NUDT8: variants seen among roughly 807,000 people sequenced by gnomAD.
NUDT8 encodes the protein mitochondrial coenzyme A diphosphatase NUDT8.
In NUDT8, 14 loss-of-function variants were observed where a neutral mutation model predicts 12.5. That is an observed-to-expected ratio of 1.12 (90% CI 0.74 to 1.75). The LOEUF (loss-of-function observed/expected upper bound fraction) is 1.75, where lower values mean the gene tolerates loss of function less well. NUDT8 is among the 40% of genes most tolerant of loss of function. The pLI, the probability that NUDT8 is intolerant of heterozygous loss-of-function variation, is 0.00. For missense variants in NUDT8, 337 were observed against 318.5 expected (o/e 1.06, Z -0.44); for synonymous variants, 163 against 156.2 (o/e 1.04, Z -0.33).
Position 67,628,031 on chromosome 11 carries a change from C to A in NUDT8, c.626G>T (p.Gly209Val), listed in dbSNP as rs1855141396. Residue 209 changes from glycine (G) to valine (V), a missense_variant, in exon 4 of 4, where the codon GGG (glycine) becomes GTG (valine). Coordinates refer to ENST00000376693, the MANE Select transcript of NUDT8 (RefSeq NM_001243750.2). Reference sequence around the variant, plus strand: ...CTTAGGGCGGGCCAGACCCTCAGCCCCTGAGCAGGTCAGGCCGGCCAGGCG... The same window carrying A: ...CTTAGGGCGGGCCAGACCCTCAGCCACTGAGCAGGTCAGGCCGGCCAGGCG... ...QPRLAGLTCS[G>V]AEGLARPKQP... is the part of the protein sequence containing the mutation. The A allele has an allele frequency of 6.3e-7, 1 of 1,598,220 alleles. No homozygotes were observed. The highest frequency in any genetic ancestry group is 1.1e-5 in the South Asian group (1 of 91,082).
chr11:67,629,640 G>A (rs1855175018), intron 1 of NUDT8, 78 bp downstream of exon 1: 2 of 794,814 alleles, frequency 2.5e-6, no homozygotes, highest in Admixed American at 3.9e-5. Flanking sequence ...AAGGGGCTAA[G>A]TGCCCTGCCA....
intron 2 of NUDT8, 115 bp downstream of exon 2, chr11:67,628,804 C>A: frequency 7.3e-7 from 1 of 1,366,942 alleles, no homozygotes; most frequent in Non-Finnish European, 1.0e-6. Context: ...GGGCACCCTT[C>A]CACACTTTGT....
chr11:67,628,348 TG>T lies in NUDT8; in HGVS notation c.379del (p.Gln127ArgfsTer10). On this transcript the variant is annotated frameshift_variant, in exon 3 of 4. Transcript: ENST00000376693. LOFTEE classifies it low-confidence loss of function (END_TRUNC). Reference protein sequence around the residue: ...VLAGVGPLDPQSLRPNSEEVD... With the variant: ...VLAGVGPLDPXSLRPNSEEVD... ...CTCCTCCGAGTTGGGCCTGAGGCTC[TG>T]GGGATCCAGTGGGCCTACACCAGCA... The T allele has an allele frequency of 6.2e-7, 1 of 1,613,910 alleles. No homozygotes were observed. Among genetic ancestry groups the T allele is most frequent in the Non-Finnish European group, 8.5e-7 (1 of 1,179,960 alleles).
intron 2 of NUDT8, among the ~76,000 whole-genome samples, 187 bp from the exon 3 acceptor site, chr11:67,628,587 C>T (rs1480280024): frequency 6.6e-6 from 1 of 152,168 alleles, no homozygotes; most frequent in African/African-American, 2.4e-5. Flanking sequence ...AGACCTGTTC[C>T]CTCTGCTTAG....
rs1477624674 is a variant in NUDT8, at chr11:67,628,920, G to A, written c.326C>T (p.Pro109Leu). 3.1e-6 allele frequency: 5 copies of A among 1,605,180 alleles called. No individual in the cohort carries two copies. Among genetic ancestry groups the A allele is most frequent in the East Asian group, 4.5e-5 (2 of 44,642 alleles). Residue 109 changes from proline to leucine, a missense_variant and splice_region_variant, in exon 2 of 4, where the codon CCG (proline) becomes CTG (leucine). By Grantham distance (98) the Pro-to-Leu change is moderately conservative (BLOSUM62 -3). Coordinates refer to ENST00000376693, the MANE Select transcript of NUDT8 (RefSeq NM_001243750.2). ...GGTGGCCTCAGCCAAGTGGCTTACC[G>A]GATCATACACAGGCCGCAGCAGGCC... ...VWGLLRPVYD[P>L]QKATVVPVLA...
Position 67,628,308 on chromosome 11 carries a change from T to G in NUDT8, c.405+15A>C. 6.2e-7 allele frequency: 1 copy of G among 1,613,884 alleles called. No individual in the cohort carries two copies. Among genetic ancestry groups the G allele is most frequent in the Non-Finnish European group, 8.5e-7 (1 of 1,179,962 alleles). ...GGACTGGAACAGCCCAACCCCCTCA[T>G]ATCCCCCAGCTCACCTCCTCCGAGT... is the stretch of plus-strand genomic sequence containing the variant. On this transcript the variant is annotated intron_variant, in intron 3 of 3. Coordinates refer to ENST00000376693, the MANE Select transcript of NUDT8 (RefSeq NM_001243750.2).
intron 2 of NUDT8, 26 bp downstream of exon 2, chr11:67,628,893 G>A: frequency 6.3e-7 from 1 of 1,590,934 alleles, no homozygotes; most frequent in African/African-American, 1.3e-5. Flanking sequence ...TGAATGGGGT[G>A]GGGTGGCCTC....
At chr11:67,628,762 T>C (rs1855155680) in intron 2 of NUDT8, among the ~76,000 whole-genome samples, 157 bp downstream of exon 2, 1 of 152,038 alleles carries the variant, frequency 6.6e-6, no homozygotes, top group Non-Finnish European at 1.5e-5. Context: ...CGAGGGGGTG[T>C]GTGGGGTGGT....
intron 1 of NUDT8, 166 bp downstream of exon 1, chr11:67,629,552 T>A (rs1855173851): frequency 2.4e-6 from 1 of 412,006 alleles, no homozygotes; most frequent in East Asian, 3.7e-5. Context: ...CGGACACGGA[T>A]CGCTGACCTC....
rs774719913 is a variant in NUDT8 at position 67,629,802 on chromosome 11, G to C, written c.110C>G (p.Pro37Arg). 5.5e-6 allele frequency: 8 copies of C among 1,463,634 alleles called. No homozygotes were observed. The highest frequency in any genetic ancestry group is 1.5e-5 in the African/African-American group (1 of 68,656). The allele number at this position is 1,463,634 out of a possible 1,614,324, so 90.7% of individuals were successfully genotyped here. A position where few individuals can be genotyped will look rare whatever the true frequency, so the allele number is the denominator to read the frequency against. ...CGGGACCCCACGCACTGAGCAGAGC[G>C]GCACGAGCACCGCGGCCGACGCGGG... ...ARPASAAVLV[P>R]LCSVRGVPAL... is the part of the protein sequence containing the mutation. Residue 37 changes from proline (P) to arginine (R), a missense_variant, in exon 1 of 4, where the codon CCG becomes CGG. Physicochemically the swap from Pro to Arg is moderately radical, Grantham distance 103. Transcript: ENST00000376693.
intron 1 of NUDT8, 121 bp downstream of exon 1, chr11:67,629,597 G>C: frequency 2.1e-6 from 1 of 485,210 alleles, no homozygotes; most frequent in Non-Finnish European, 3.4e-6. Context: ...ACTCTCCCCA[G>C]ACCCATTTTA....
At chr11:67,629,511 C>CGT (rs1376154259) in intron 1 of NUDT8, 1 of 402,502 alleles carries the variant, frequency 2.5e-6, no homozygotes, top group Non-Finnish European at 4.4e-6. Flanking sequence ...GCGGCGAGGA[C>CGT]GTGGCGCCCC....
Position 67,628,125 on chromosome 11 carries a change from C to T in NUDT8, c.532G>A (p.Val178Ile), listed in dbSNP as rs1855143386. 1 of 1,599,222 alleles carries T rather than the reference C, an allele frequency of 6.3e-7. No homozygotes were observed. The change falls in exon 4 of 4, where the codon GTC becomes ATC. Residue 178 changes from valine (V) to isoleucine (I), a missense_variant. Physicochemically the swap from Val to Ile is conservative, Grantham distance 29. Coordinates refer to ENST00000376693, the MANE Select transcript of NUDT8 (RefSeq NM_001243750.2). Reference sequence around the variant, plus strand: ...GTGATGACAGCTGTGAGGCCCCAGACCCGGTGTGGTCCATGCAGGAAGACG... The same window carrying T: ...GTGATGACAGCTGTGAGGCCCCAGATCCGGTGTGGTCCATGCAGGAAGACG... ...LPVFLHGPHR[V>I]WGLTAVITEF...
chr11:67,629,906 C>T lies in NUDT8; in HGVS notation c.6G>A (p.Leu2=), dbSNP rs1565231723. The change falls in exon 1 of 4, where the codon CTG becomes CTA. Residue 2 remains leucine, a synonymous_variant. Transcript: ENST00000376693. ...CGCCCTCGGCCGACAGGCAGTCGGGCAGCATGTCAAGTCCTGCGCGGCCGG... is the reference window on the plus strand; with the variant it reads ...CGCCCTCGGCCGACAGGCAGTCGGGTAGCATGTCAAGTCCTGCGCGGCCGG... The part of the protein sequence containing the change: M[L]PDCLSAEGEL... 2.0e-5 allele frequency: 25 copies of T among 1,235,480 alleles called. No homozygotes were observed. Among genetic ancestry groups the T allele is most frequent in the Admixed American group, 4.3e-5 (1 of 23,148 alleles). The allele number at this position is 1,235,480 out of a possible 1,614,324, so 76.5% of individuals were successfully genotyped here. A position where few individuals can be genotyped will look rare whatever the true frequency, so the allele number is the denominator to read the frequency against.
chr11:67,629,247 G>A, intron 1 of NUDT8, 196 bp from the exon 2 acceptor site: 1 of 576,442 alleles, frequency 1.7e-6, no homozygotes, highest in Non-Finnish European at 3.1e-6. Flanking sequence ...AAGGAAGAGA[G>A]GCCCGGGACA....
Position 67,628,452 on chromosome 11 carries a change from G to T in NUDT8, c.328-52C>A, listed in dbSNP as rs766094265. 4 of 1,508,346 alleles carry T rather than the reference G, an allele frequency of 2.7e-6. No individual in the cohort carries two copies. The African/African-American group carries it at 5.5e-5, about 21-fold the overall frequency. The allele number at this position is 1,508,346 out of a possible 1,614,324, so 93.4% of individuals were successfully genotyped here. A position where few individuals can be genotyped will look rare whatever the true frequency, so the allele number is the denominator to read the frequency against. The stretch of plus-strand genomic sequence containing the variant: ...AAGCATGGCCTTCGCTGGGTTTGAA[G>T]GCTGGGGAGGGGAGTGTGAGAGGAA... On this transcript the variant is annotated intron_variant, in intron 2 of 3. Transcript: ENST00000376693.
In NUDT8 at chr11:67,629,869, G is replaced by A; in HGVS notation, c.43C>T (p.Arg15Cys). Residue 15 changes from arginine (R) to cysteine (C), a missense_variant, in exon 1 of 4, where the codon CGC (arginine) becomes TGC (cysteine). By Grantham distance (180) the Arg-to-Cys change is radical. Coordinates refer to ENST00000376693, the MANE Select transcript of NUDT8 (RefSeq NM_001243750.2). ...GCCGTGGCCCCTGCCAGCAGCCGGCGGCAGCGCAGCTCGCCCTCGGCCGAC... is the reference window on the plus strand; with the variant it reads ...GCCGTGGCCCCTGCCAGCAGCCGGCAGCAGCGCAGCTCGCCCTCGGCCGAC... ...CLSAEGELRC[R>C]RLLAGATARL... The A allele has an allele frequency of 4.0e-6, 5 of 1,252,238 alleles. No homozygotes were observed. Among genetic ancestry groups the A allele is most frequent in the Non-Finnish European group, 4.0e-6 (4 of 1,005,274 alleles). 77.6% of individuals were successfully genotyped at this position (1,252,238 alleles called of 1,614,324 possible). A position where few individuals can be genotyped will look rare whatever the true frequency, so the allele number is the denominator to read the frequency against.
intron 2 of NUDT8, 78 bp from the exon 3 acceptor site, chr11:67,628,478 G>C: frequency 7.8e-7 from 1 of 1,276,348 alleles, no homozygotes; most frequent in Non-Finnish European, 1.1e-6. Context: ...GTGAGAGGAA[G>C]ACCCCTTTGC....
rs1591120215 is a variant in NUDT8 at position 67,629,341 on chromosome 11, C to A, written c.195-290G>T. 6.8e-6 allele frequency: 3 copies of A among 444,420 alleles called. No individual in the cohort carries two copies. In the East Asian group the frequency reaches 1.1e-4, roughly 16 times the overall value. The allele number at this position is 444,420 out of a possible 1,614,324, so 27.5% of individuals were successfully genotyped here. ...ATTCGGCCTATGGTGGCCCCAGCAA[C>A]ACTGACATTGTCCTCAGGATGTTCT... On this transcript the variant is annotated intron_variant, in intron 1 of 3. Coordinates refer to ENST00000376693, the MANE Select transcript of NUDT8 (RefSeq NM_001243750.2).
Sources: gnomAD v4.1 joint callset for allele counts (sites outside exome capture counted in the v4.1 genomes callset) on GRCh38, gnomAD v4.1.1 for gene constraint, MANE v1.5 for transcripts, NCBI Gene and HGNC (gene_info 2026-07-23, HGNC 2026-07-21) for gene names.